Variants in IP6K1 observed in about 807,000 individuals in gnomAD.
The protein encoded by IP6K1 is ATP:1D-myo-inositol-hexakisphosphate phosphotransferase.
IP6K1 carries 13 observed loss-of-function variants against 38.3 expected under a neutral mutation model. The ratio of observed to expected loss-of-function variants is 0.34; its 90% CI spans 0.22 to 0.54. IP6K1 has a LOEUF of 0.54. Among genes scored for constraint, IP6K1 ranks in the 20% least tolerant of loss-of-function variants. The pLI, the probability that IP6K1 is intolerant of heterozygous loss-of-function variation, is 0.92. For missense variants in IP6K1, 397 were observed against 599.8 expected, an observed-to-expected ratio of 0.66 and a Z score of 3.53; for synonymous variants, 212 against 229.9, an observed-to-expected ratio of 0.92 and a Z score of 0.70.
chr3:49,753,158 C>G (rs1448234243), intron 1 of IP6K1, among the ~76,000 whole-genome samples: 1 of 152,118 alleles, frequency 6.6e-6, no homozygotes, highest in African/African-American at 2.4e-5. Context: ...TCACTTCCTA[C>G]CCTTGTCTCC....
chr3:49,768,806 G>C (rs2080932660), intron 1 of IP6K1, among the ~76,000 whole-genome samples: 1 of 151,914 alleles, frequency 6.6e-6, no homozygotes, highest in South Asian at 2.1e-4. Context: ...AATTCATTGA[G>C]ACAAAAAGAT....
intron 1 of IP6K1, among the ~76,000 whole-genome samples, chr3:49,770,154 A>C (rs2080944806): frequency 6.6e-6 from 1 of 152,184 alleles, no homozygotes; most frequent in African/African-American, 2.4e-5. Context: ...AGCTGTGATC[A>C]CCACTTCACT....
At chr3:49,782,472 A>G (rs1461447131) in intron 1 of IP6K1, among the ~76,000 whole-genome samples, 2 of 151,896 alleles carry the variant, frequency 1.3e-5, no homozygotes, top group Admixed American at 1.3e-4. Context: ...CCCGGCCTGG[A>G]GGGTCTACTA....
At chr3:49,755,943 G>A (rs758790418) in intron 1 of IP6K1, among the ~76,000 whole-genome samples, 23 of 152,152 alleles carry the variant, frequency 1.5e-4, no homozygotes, top group African/African-American at 5.3e-4. Context: ...CAATCCTCCT[G>A]TACCGTGAGG....
chr3:49,769,592 T>C (rs532462644), intron 1 of IP6K1, among the ~76,000 whole-genome samples: 17 of 152,352 alleles, frequency 1.1e-4, no homozygotes, highest in African/African-American at 3.6e-4. Flanking sequence ...CAAATTTTTT[T>C]ACATTCTTCC....
chr3:49,742,365 C>T (rs759861860), intron 2 of IP6K1, among the ~76,000 whole-genome samples: 11 of 152,052 alleles, frequency 7.2e-5, no homozygotes, highest in African/African-American at 1.4e-4. Context: ...CTGGCTAACA[C>T]GGTGAAACCC....
At chr3:49,752,638 G>A (rs190822534) in intron 1 of IP6K1, among the ~76,000 whole-genome samples, 31 of 152,006 alleles carry the variant, frequency 2.0e-4, no homozygotes, top group African/African-American at 6.5e-4. Flanking sequence ...TTCTCCTACC[G>A]TAGAGACGGG....
intron 1 of IP6K1, among the ~76,000 whole-genome samples, chr3:49,781,627 CCAT>C (rs2081066626): frequency 6.6e-6 from 1 of 152,072 alleles, no homozygotes; most frequent in Admixed American, 6.6e-5. Flanking sequence ...GTTTAGCAAA[CCAT>C]TTGGTTAGTG....
At chr3:49,739,422 C>T (rs1303863332) in intron 2 of IP6K1, among the ~76,000 whole-genome samples, 2 of 147,404 alleles carry the variant, frequency 1.4e-5, no homozygotes, top group African/African-American at 5.0e-5. Context: ...GGCGTGATCT[C>T]GGCTCACTGC....
chr3:49,738,193 C>T lies in IP6K1; in HGVS notation c.434+19G>A, dbSNP rs769194218. The stretch of plus-strand genomic sequence containing the variant: ...GTCTTGAGTGCTTGTACCAGCAGGA[C>T]GAAACATGTACCTCTTACCTCTCAG... On this transcript the variant is annotated intron_variant, in intron 3 of 5. Coordinates refer to ENST00000321599, the MANE Select transcript of IP6K1 (RefSeq NM_153273.4). 27 of 1,602,508 alleles carry T rather than the reference C, an allele frequency of 1.7e-5. No homozygotes were observed. Among genetic ancestry groups the T allele is most frequent in the African/African-American group, 1.1e-4 (8 of 74,654 alleles).
intron 1 of IP6K1, among the ~76,000 whole-genome samples, chr3:49,780,629 A>C (rs1357687144): frequency 6.6e-6 from 1 of 152,140 alleles, no homozygotes; most frequent in East Asian, 1.9e-4. Flanking sequence ...AAGCCACAAC[A>C]AAGAAAAGGG....
intron 3 of IP6K1, among the ~76,000 whole-genome samples, chr3:49,737,881 C>T (rs1043407356): frequency 5.9e-5 from 9 of 152,154 alleles, no homozygotes; most frequent in Admixed American, 3.3e-4. Context: ...TTTGGAGCCT[C>T]GCTACGAACT....
At chr3:49,732,457 A>T (rs1396288267) in intron 4 of IP6K1, among the ~76,000 whole-genome samples, 6 of 152,358 alleles carry the variant, frequency 3.9e-5, no homozygotes, top group Non-Finnish European at 8.8e-5. Context: ...TTAATAAAAT[A>T]AAATTTAAAT....
chr3:49,764,200 AG>A (rs1559712440), intron 1 of IP6K1, among the ~76,000 whole-genome samples: 1 of 151,060 alleles, frequency 6.6e-6, no homozygotes, highest in Non-Finnish European at 1.5e-5. Flanking sequence ...TGGGCAACAT[AG>A]TGAGACCCCA....
chr3:49,734,082 G>C (rs1044695334), intron 3 of IP6K1, among the ~76,000 whole-genome samples: 6 of 152,146 alleles, frequency 3.9e-5, no homozygotes, highest in Admixed American at 3.9e-4. Flanking sequence ...AGGATGCACT[G>C]AGCCATGATC....
chr3:49,748,139 G>T lies in IP6K1; in HGVS notation c.-99C>A. 2 of 1,202,502 alleles carry T rather than the reference G, an allele frequency of 1.7e-6. No homozygotes were observed. Among genetic ancestry groups the T allele is most frequent in the Non-Finnish European group, 2.4e-6 (2 of 826,746 alleles). The allele number at this position is 1,202,502 out of a possible 1,614,324, so 74.5% of individuals were successfully genotyped here. A position where few individuals can be genotyped will look rare whatever the true frequency, so the allele number is the denominator to read the frequency against. ...GGTCCTGGCCAGGTGAAAGCCAATG[G>T]TCAGATTCTATTCAGCTTATTATTC... On this transcript the variant is annotated 5_prime_UTR_variant, in exon 2 of 6. Coordinates refer to ENST00000321599, the MANE Select transcript of IP6K1 (RefSeq NM_153273.4).
In IP6K1 at chr3:49,737,515, A is replaced by C. The variant is rs559209460; in HGVS notation, c.434+697T>G. 2.0e-5 allele frequency among the ~76,000 whole-genome samples: 3 copies of C among 152,184 alleles called. No individual in the cohort carries two copies. In the South Asian group the frequency reaches 6.2e-4, roughly 32 times the overall value. On this transcript the variant is annotated intron_variant, in intron 3 of 5. Coordinates refer to ENST00000321599, the MANE Select transcript of IP6K1 (RefSeq NM_153273.4). Reference sequence around the variant, plus strand: ...AGCCTAGCCAACATGGTGACACAACATCTCCACTAAAAATACAAAAATTAG... The same window carrying C: ...AGCCTAGCCAACATGGTGACACAACCTCTCCACTAAAAATACAAAAATTAG...
At chr3:49,784,607 T>G (rs2081094856) in intron 1 of IP6K1, among the ~76,000 whole-genome samples, 1 of 148,232 alleles carries the variant, frequency 6.7e-6, no homozygotes, top group African/African-American at 2.5e-5. Flanking sequence ...ATTGTGCCAT[T>G]GCACTCCAGC....
At position 49,747,919 on chromosome 3, in the gene IP6K1, C is replaced by T. The variant is rs750257907; in HGVS notation, c.122G>A (p.Arg41His). ...HQVGGHSSMM[R>H]YDDHTVCKPL... The stretch of plus-strand genomic sequence containing the variant: ...CTTGCACACAGTGTGATCGTCGTAA[C>T]GCATCATGCTGCTGTGTCCGCCTAC... The change falls in exon 2 of 6, where the codon CGT becomes CAT. Residue 41 changes from arginine (R) to histidine (H), a missense_variant. Arg to His is a conservative substitution (Grantham distance 29). This residue lies in a region of IP6K1 where 171 missense variants were observed against 237.0 expected (regional missense o/e 0.72). Transcript: ENST00000321599. 5 of 1,614,076 alleles carry T rather than the reference C, an allele frequency of 3.1e-6. No individual in the cohort carries two copies. Among genetic ancestry groups the T allele is most frequent in the Non-Finnish European group, 4.2e-6 (5 of 1,180,042 alleles).
Sources: gnomAD v4.1 joint callset for allele counts (sites outside exome capture counted in the v4.1 genomes callset) on GRCh38, gnomAD v4.1.1 for gene constraint, gnomAD v4.1.1 regional missense constraint, MANE v1.5 for transcripts, NCBI Gene and HGNC (gene_info 2026-07-23, HGNC 2026-07-21) for gene names.